SCARA5: variants seen among roughly 807,000 people sequenced by gnomAD.
SCARA5 encodes the protein scavenger receptor class A, member 5 (putative).
SCARA5 carries 45 observed loss-of-function variants against 46.3 expected under a neutral mutation model. That is an observed-to-expected ratio of 0.97 (90% confidence interval 0.76 to 1.24). SCARA5 has a LOEUF of 1.24. Among genes scored for constraint, SCARA5 ranks in the 50% most tolerant of loss-of-function variants. The pLI, the probability that SCARA5 is intolerant of heterozygous loss-of-function variation, is 0.00. For synonymous variants in SCARA5, 333 were observed against 306.5 expected (o/e 1.09, Z -0.90); for missense variants, 680 against 689.0 (o/e 0.99, Z 0.15).
At chr8:27,881,836 A>G (rs1806817706) in intron 7 of SCARA5, among the ~76,000 whole-genome samples, 1 of 152,170 alleles carries the variant, frequency 6.6e-6, no homozygotes, top group Admixed American at 6.5e-5. Flanking sequence ...AGAGTGGTGC[A>G]TTTGTTACAC....
At chr8:27,969,649 G>A (rs567668391) in intron 2 of SCARA5, among the ~76,000 whole-genome samples, 9 of 152,230 alleles carry the variant, frequency 5.9e-5, no homozygotes, top group Non-Finnish European at 1.2e-4. Flanking sequence ...TGTAAATGAT[G>A]GGCTCTGGGA....
chr8:27,904,613 C>T, intron 7 of SCARA5, 165 bp downstream of exon 7: 1 of 729,412 alleles, frequency 1.4e-6, no homozygotes, highest in Non-Finnish European at 2.5e-6. Context: ...CTATCAGCAT[C>T]TCTTGCTAGA....
intron 2 of SCARA5, among the ~76,000 whole-genome samples, chr8:27,982,702 T>C (rs1808642076): frequency 6.6e-6 from 1 of 152,056 alleles, no homozygotes; most frequent in Admixed American, 6.5e-5. Context: ...AGGGAGGCTC[T>C]AAAGGCATCA....
intron 7 of SCARA5, among the ~76,000 whole-genome samples, chr8:27,891,337 C>T (rs997804236): frequency 6.6e-6 from 1 of 152,072 alleles, no homozygotes. Flanking sequence ...TCCTGAGTAG[C>T]TGGGACTATG....
At chr8:27,904,647 G>T in intron 7 of SCARA5, 131 bp downstream of exon 7, 1 of 842,660 alleles carries the variant, frequency 1.2e-6, no homozygotes. Flanking sequence ...AAAAAAGGTA[G>T]GGAGCCTCCT....
At chr8:27,970,725 G>A (rs1312132939) in intron 2 of SCARA5, among the ~76,000 whole-genome samples, 3 of 152,102 alleles carry the variant, frequency 2.0e-5, no homozygotes, top group Non-Finnish European at 4.4e-5. Flanking sequence ...GCAAAGCCAA[G>A]AACCCTCCAA....
chr8:27,896,604 A>T (rs1807067600), intron 7 of SCARA5, among the ~76,000 whole-genome samples: 1 of 152,030 alleles, frequency 6.6e-6, no homozygotes, highest in South Asian at 2.1e-4. Flanking sequence ...AATAGTGTTG[A>T]ACTCAATACA....
At position 27,921,622 on chromosome 8, in the gene SCARA5, G is replaced by A. The variant is rs778463593; in HGVS notation, c.865C>T (p.Leu289Phe). 5 of 1,597,020 alleles carry A rather than the reference G, an allele frequency of 3.1e-6. No individual in the cohort carries two copies. The highest frequency in any genetic ancestry group is 1.7e-5 in the Admixed American group (1 of 59,000). ...MLNAVTEDLR[L>F]KDWEHSIALR... ...GCGATGGAGTGCTCCCAGTCCTTGA[G>A]GCGCAGGTCCTCGGTGACCGCGTTG... Residue 289 changes from leucine (L) to phenylalanine (F), a missense_variant, in exon 4 of 9, where the codon CTC becomes TTC. Leu to Phe is a conservative substitution (Grantham distance 22). This residue lies in a region of SCARA5 where 438 missense variants were observed against 384.5 expected (regional missense o/e 1.14). Coordinates refer to ENST00000354914, the MANE Select transcript of SCARA5 (RefSeq NM_173833.6).
At chr8:27,892,314 A>C (rs1027868284) in intron 7 of SCARA5, among the ~76,000 whole-genome samples, 2 of 152,194 alleles carry the variant, frequency 1.3e-5, no homozygotes, top group African/African-American at 4.8e-5. Flanking sequence ...TGGTTATCCC[A>C]AATCTCCTTG....
intron 2 of SCARA5, among the ~76,000 whole-genome samples, chr8:27,979,841 G>A (rs1200546906): frequency 6.6e-6 from 1 of 152,152 alleles, no homozygotes; most frequent in Non-Finnish European, 1.5e-5. Context: ...AATTACAGGT[G>A]TGAGTCACCA....
At position 27,966,420 on chromosome 8, in the gene SCARA5, A is replaced by C; in HGVS notation, c.235T>G (p.Leu79Val). 1 of 1,609,014 alleles carries C rather than the reference A, an allele frequency of 6.2e-7. No homozygotes were observed. The highest frequency in any genetic ancestry group is 8.5e-7 in the Non-Finnish European group (1 of 1,178,686). ...AAAAATGGCCTGCTCTTACCTGCTAAGATGAAGATGCCCACAAGAATCAGG... is the reference window on the plus strand; with the variant it reads ...AAAAATGGCCTGCTCTTACCTGCTACGATGAAGATGCCCACAAGAATCAGG... ...VFLILVGIFI[L>V]AVSRPRSSPD... Residue 79 changes from leucine to valine, a missense_variant, in exon 3 of 9, where the codon TTA becomes GTA. This residue lies in a region of SCARA5 where 438 missense variants were observed against 384.5 expected (regional missense o/e 1.14). Transcript: ENST00000354914.
At chr8:27,972,361 CA>C (rs905688682) in intron 2 of SCARA5, among the ~76,000 whole-genome samples, 9 of 143,002 alleles carry the variant, frequency 6.3e-5, no homozygotes, top group African/African-American at 1.0e-4. Context: ...CAAAAAAAAA[CA>C]AAAAAAGTAG....
intron 3 of SCARA5, among the ~76,000 whole-genome samples, chr8:27,935,445 T>A (rs1217175591): frequency 1.3e-5 from 2 of 152,096 alleles, no homozygotes; most frequent in African/African-American, 4.8e-5. Flanking sequence ...CAGGTAGGTG[T>A]CACCCATAAA....
intron 3 of SCARA5, among the ~76,000 whole-genome samples, chr8:27,935,726 T>C (rs1807844551): frequency 6.6e-6 from 1 of 152,122 alleles, no homozygotes; most frequent in South Asian, 2.1e-4. Context: ...GTCTGGATTC[T>C]AGGACCAGGC....
intron 2 of SCARA5, among the ~76,000 whole-genome samples, chr8:27,971,182 G>A (rs1265057348): frequency 6.6e-6 from 1 of 152,216 alleles, no homozygotes; most frequent in Non-Finnish European, 1.5e-5. Flanking sequence ...GGAAGACGAT[G>A]CATAAAACGG....
intron 3 of SCARA5, among the ~76,000 whole-genome samples, chr8:27,926,445 CAG>C (rs201675606): frequency 0.02 from 3,092 of 151,154 alleles, 108 homozygotes; most frequent in African/African-American, 0.072. Context: ...CGGGGCCTGT[CAG>C]GGGGTGGGGG....
At chr8:27,978,844 C>T (rs1020136657) in intron 2 of SCARA5, among the ~76,000 whole-genome samples, 7 of 152,106 alleles carry the variant, frequency 4.6e-5, no homozygotes, top group Non-Finnish European at 2.9e-5. Context: ...AGGTCTCTGA[C>T]TCTGGGGTGC....
chr8:27,916,445 CTG>C (rs956630977), intron 4 of SCARA5, among the ~76,000 whole-genome samples: 2 of 151,962 alleles, frequency 1.3e-5, no homozygotes, highest in African/African-American at 4.8e-5. Flanking sequence ...GTGTTTATGT[CTG>C]TATATGTGCA....
At position 27,971,435 on chromosome 8, in the gene SCARA5, G is replaced by C. The variant is rs115810480; in HGVS notation, c.113-4893C>G. Reference sequence around the variant, plus strand: ...ATAAATTTGAAAACAGTGACTTTAAGGAGCAAACAGTCTTCCTCTCTGTGT... The same window carrying C: ...ATAAATTTGAAAACAGTGACTTTAACGAGCAAACAGTCTTCCTCTCTGTGT... On this transcript the variant is annotated intron_variant, in intron 2 of 8. Coordinates refer to ENST00000354914, the MANE Select transcript of SCARA5 (RefSeq NM_173833.6). Among the ~76,000 whole-genome samples, 360 of 152,310 alleles carry C rather than the reference G, an allele frequency of 2.4e-3. 3 individuals carry two copies. The highest frequency in any genetic ancestry group is 8.2e-3 in the African/African-American group (341 of 41,570).
Sources: gnomAD v4.1 joint callset for allele counts (sites outside exome capture counted in the v4.1 genomes callset) on GRCh38, gnomAD v4.1.1 for gene constraint, gnomAD v4.1.1 regional missense constraint, MANE v1.5 for transcripts, NCBI Gene and HGNC (gene_info 2026-07-23, HGNC 2026-07-21) for gene names.